The following OPCML variants were observed in gnomAD, a reference collection of about 807,000 sequenced individuals.
OPCML encodes the protein opioid-binding protein/cell adhesion molecule.
In OPCML, 13 loss-of-function variants were observed where a neutral mutation model predicts 37.8. The observed-to-expected ratio is 0.34, with a 90% CI of 0.22 to 0.55. The LOEUF (loss-of-function observed/expected upper bound fraction) is 0.55. Among genes scored for constraint, OPCML ranks in the 20% least tolerant of loss-of-function variants. The pLI is 0.91. For missense variants in OPCML, 341 were observed against 435.6 expected (o/e 0.78, Z 1.93); for synonymous variants, 176 against 168.8 (o/e 1.04, Z -0.33).
chr11:133,346,271 C>A (rs148824231), intron 1 of OPCML, among the ~76,000 whole-genome samples: 61 of 152,302 alleles, frequency 4.0e-4, no homozygotes, highest in African/African-American at 1.4e-3. Context: ...GGCTCAGATT[C>A]ATTCCTCCTT....
intron 4 of OPCML, among the ~76,000 whole-genome samples, chr11:132,527,550 T>C (rs1165584307): frequency 1.3e-5 from 2 of 152,212 alleles, no homozygotes; most frequent in Non-Finnish European, 2.9e-5. Context: ...TGCCCATTTT[T>C]TTTTTCAGTT....
At chr11:133,346,936 C>A (rs1457375517) in intron 1 of OPCML, among the ~76,000 whole-genome samples, 4 of 152,182 alleles carry the variant, frequency 2.6e-5, no homozygotes, top group African/African-American at 9.7e-5. Context: ...AAATTCCCTA[C>A]TGAAGACTGA....
chr11:132,976,316 A>C (rs1946463851), intron 1 of OPCML, among the ~76,000 whole-genome samples: 1 of 152,184 alleles, frequency 6.6e-6, no homozygotes, highest in African/African-American at 2.4e-5. Context: ...TAAAATTCAG[A>C]ACACAGGACT....
chr11:133,168,246 A>G (rs1950240777), intron 1 of OPCML, among the ~76,000 whole-genome samples: 1 of 152,242 alleles, frequency 6.6e-6, no homozygotes, highest in Admixed American at 6.5e-5. Context: ...GAGATACTCC[A>G]GGGATGTGCT....
At chr11:133,391,593 C>T (rs1945175223) in intron 1 of OPCML, among the ~76,000 whole-genome samples, 1 of 152,108 alleles carries the variant, frequency 6.6e-6, no homozygotes, top group African/African-American at 2.4e-5. Flanking sequence ...AAAAGCAGGA[C>T]GCGTTCCAAG....
chr11:132,518,352 T>G (rs1168099081), intron 4 of OPCML, among the ~76,000 whole-genome samples: 2 of 152,164 alleles, frequency 1.3e-5, no homozygotes, highest in South Asian at 2.1e-4. Context: ...CTGTGTTAGT[T>G]TGCTGAGGAT....
At chr11:133,294,298 C>T (rs1942566812) in intron 1 of OPCML, among the ~76,000 whole-genome samples, 3 of 152,112 alleles carry the variant, frequency 2.0e-5, no homozygotes, top group Admixed American at 2.0e-4. Context: ...GCAGTGGCCT[C>T]CCCTGGTGCT....
At chr11:132,813,996 C>T (rs1353211485) in intron 2 of OPCML, among the ~76,000 whole-genome samples, 1 of 152,176 alleles carries the variant, frequency 6.6e-6, no homozygotes, top group Non-Finnish European at 1.5e-5. Flanking sequence ...TAGTGGTTGC[C>T]TCAAAGTTAT....
intron 2 of OPCML, among the ~76,000 whole-genome samples, chr11:132,906,541 T>C (rs1001281780): frequency 3.3e-5 from 5 of 152,162 alleles, no homozygotes; most frequent in African/African-American, 1.2e-4. Context: ...AAATGAATAC[T>C]ATTCCATTAG....
intron 3 of OPCML, among the ~76,000 whole-genome samples, chr11:132,633,202 G>A (rs934625340): frequency 1.3e-5 from 2 of 152,076 alleles, no homozygotes; most frequent in African/African-American, 4.8e-5. Flanking sequence ...ACAATCGGTA[G>A]CTCTCTCTCT....
At chr11:132,523,029 T>C (rs1166702547) in intron 4 of OPCML, among the ~76,000 whole-genome samples, 1 of 152,154 alleles carries the variant, frequency 6.6e-6, no homozygotes, top group African/African-American at 2.4e-5. Context: ...CTCCGCCTCC[T>C]GGGTTCAAGC....
intron 1 of OPCML, chr11:133,026,571 G>A (rs1947559267): frequency 2.0e-6 from 2 of 984,702 alleles, no homozygotes; most frequent in Admixed American, 1.2e-4. Context: ...ATCTGGTCTA[G>A]GTGAAACTGT....
At chr11:132,954,745 C>T (rs570762520) in intron 1 of OPCML, among the ~76,000 whole-genome samples, 1 of 152,098 alleles carries the variant, frequency 6.6e-6, no homozygotes, top group Non-Finnish European at 1.5e-5. Context: ...AATGAAGTCA[C>T]TGAGCAAGAG....
At chr11:132,562,313 A>C (rs1406639408) in intron 3 of OPCML, among the ~76,000 whole-genome samples, 2 of 152,048 alleles carry the variant, frequency 1.3e-5, no homozygotes, top group African/African-American at 4.8e-5. Context: ...CACTATTTGG[A>C]AAGTAGGGGT....
At chr11:133,442,898 A>G (rs569624434) in intron 1 of OPCML, among the ~76,000 whole-genome samples, 1 of 152,278 alleles carries the variant, frequency 6.6e-6, no homozygotes, top group East Asian at 1.9e-4. Flanking sequence ...CTTGACAGAG[A>G]AATAGAAGTG....
chr11:132,853,931 A>T (rs1395130794), intron 2 of OPCML, among the ~76,000 whole-genome samples: 1 of 152,328 alleles, frequency 6.6e-6, no homozygotes, highest in African/African-American at 2.4e-5. Context: ...ATTGTGTTCA[A>T]TGGTGTCCTA....
chr11:133,405,032 G>A lies in OPCML; in HGVS notation c.61+127232C>T, dbSNP rs530561675. On this transcript the variant is annotated intron_variant, in intron 1 of 7. Coordinates refer to ENST00000524381, the MANE Select transcript of OPCML (RefSeq NM_001012393.5). ...GATTATAAATACCTTGAGATCTTCC[G>A]TTTCTTTTGTATTCATTCAAAACAG... Among the ~76,000 whole-genome samples, 18 of 152,240 alleles carry A rather than the reference G, an allele frequency of 1.2e-4. No homozygotes were observed. The South Asian group carries it at 2.1e-3, about 18-fold the overall frequency.
At chr11:133,035,663 CCTAA>C (rs1396766398) in intron 1 of OPCML, among the ~76,000 whole-genome samples, 12 of 152,100 alleles carry the variant, frequency 7.9e-5, no homozygotes, top group African/African-American at 2.9e-4. Flanking sequence ...ATGTCAAAGT[CCTAA>C]CTCTTAGTAC....
At chr11:132,898,340 A>G (rs1591771936) in intron 2 of OPCML, among the ~76,000 whole-genome samples, 1 of 152,270 alleles carries the variant, frequency 6.6e-6, no homozygotes, top group African/African-American at 2.4e-5. Context: ...GCTTCTGCCA[A>G]TACTACCATC....
Sources: allele counts gnomAD v4.1 joint callset (sites outside exome capture counted in the v4.1 genomes callset), GRCh38; gene constraint gnomAD v4.1.1; transcripts MANE v1.5; gene names NCBI Gene and HGNC (gene_info 2026-07-23, HGNC 2026-07-21).